RAD51D: variants seen among roughly 807,000 people sequenced by gnomAD.
RAD51D encodes the protein DNA repair protein RAD51 homolog 4.
A neutral mutation model predicts 44.1 loss-of-function variants in RAD51D; 38 were observed. The ratio of observed to expected loss-of-function variants is 0.86; its 90% confidence interval spans 0.67 to 1.13. RAD51D has a LOEUF of 1.13. RAD51D is among the 50% of genes most tolerant of loss of function. The pLI is 0.00. For synonymous variants in RAD51D, 141 were observed against 166.6 expected (o/e 0.85, Z 1.18); for missense variants, 390 against 414.0 (o/e 0.94, Z 0.50).
intron 3 of RAD51D, among the ~76,000 whole-genome samples, chr17:35,109,065 C>T (rs569701751): frequency 2.0e-5 from 3 of 152,086 alleles, no homozygotes; most frequent in Admixed American, 2.0e-4. Flanking sequence ...CGGGGTTTTG[C>T]CATTTTGGGC....
intron 4 of RAD51D, 58 bp from the exon 5 acceptor site, chr17:35,107,180 C>T (rs2142434777): frequency 6.3e-7 from 1 of 1,599,500 alleles, no homozygotes. Context: ...GATGGGAGCT[C>T]CCCACCAAAC....
At chr17:35,116,077 AAAAG>A (rs1008724771) in intron 3 of RAD51D, among the ~76,000 whole-genome samples, 14 of 150,884 alleles carry the variant, frequency 9.3e-5, no homozygotes, top group African/African-American at 2.7e-4. Context: ...ACAAAAAAAA[AAAAG>A]AAAGAAAGAA....
At chr17:35,118,884 A>G (rs750323237) in intron 2 of RAD51D, among the ~76,000 whole-genome samples, 30 of 152,174 alleles carry the variant, frequency 2.0e-4, no homozygotes, top group Non-Finnish European at 4.3e-4. Context: ...CTGGGATTGT[A>G]GGCGTGGGCC....
At chr17:35,108,713 T>C (rs1247814735) in intron 3 of RAD51D, among the ~76,000 whole-genome samples, 1 of 152,024 alleles carries the variant, frequency 6.6e-6, no homozygotes, top group Non-Finnish European at 1.5e-5. Flanking sequence ...ACTATAAGTC[T>C]TCCTCCTGCT....
intron 6 of RAD51D, among the ~76,000 whole-genome samples, chr17:35,105,692 A>G (rs1164733677): frequency 6.6e-6 from 1 of 152,184 alleles, no homozygotes; most frequent in Non-Finnish European, 1.5e-5. Flanking sequence ...AATCCTTCCC[A>G]TTAACATGAC....
rs2091797688 is a variant in RAD51D, at chr17:35,119,550, T to C, written c.64A>G (p.Ser22Gly). The C allele has an allele frequency of 1.9e-6, 3 of 1,612,468 alleles. No homozygotes were observed. The highest frequency in any genetic ancestry group is 2.2e-5 in the South Asian group (2 of 91,088). ...CGGTCACCTGTCTTGATCCTGTGGC[T>C]CCTGAGAAGCTGGATCATCTCCTCG... is the stretch of plus-strand genomic sequence containing the variant. ...LTEEMIQLLR[S>G]HRIKTVVDLV... The change falls in exon 1 of 10, where the codon AGC becomes GGC. Residue 22 changes from serine (S) to glycine (G), a missense_variant. Transcript: ENST00000345365.
In RAD51D at chr17:35,107,006, G is replaced by GAA. The variant is rs1555568296; in HGVS notation, c.461_462insTT (p.Gln155SerfsTer40). On this transcript the variant is annotated frameshift_variant, in exon 5 of 10. Coordinates refer to ENST00000345365, the MANE Select transcript of RAD51D (RefSeq NM_002878.4). LOFTEE classifies it high-confidence loss of function. ...CCCTTACCTGTTCCTCCTCATCCTG[G>GAA]GTTTTAGCCTGAAGCAGCTGGAGGA... The GAA allele has an allele frequency of 6.2e-7, 1 of 1,614,046 alleles. No individual in the cohort carries two copies. The highest frequency in any genetic ancestry group is 1.3e-5 in the African/African-American group (1 of 74,914).
In RAD51D at chr17:35,103,373, T is replaced by G. The variant is rs959877657; in HGVS notation, c.668-49A>C. 8 of 1,610,732 alleles carry G rather than the reference T, an allele frequency of 5.0e-6. No individual in the cohort carries two copies. In the Admixed American group the frequency reaches 1.3e-4, roughly 27 times the overall value. ...AGGGAGGGCAGTGGGGAACCAGGGATGGGGCTGGCCAGAGACCAGACTCCA... is the reference window on the plus strand; with the variant it reads ...AGGGAGGGCAGTGGGGAACCAGGGAGGGGGCTGGCCAGAGACCAGACTCCA... On this transcript the variant is annotated intron_variant, in intron 7 of 9. Coordinates refer to ENST00000345365, the MANE Select transcript of RAD51D (RefSeq NM_002878.4). The surrounding 1 kb of genome is among the most constrained non-coding windows in gnomAD (Gnocchi z 4.1).
chr17:35,112,062 G>A (rs990939147), intron 3 of RAD51D, among the ~76,000 whole-genome samples: 1 of 152,154 alleles, frequency 6.6e-6, no homozygotes, highest in African/African-American at 2.4e-5. Context: ...ATGGCATTGT[G>A]TTTTTGTTTG....
intron 1 of RAD51D, 171 bp from the exon 2 acceptor site, chr17:35,119,343 A>G: frequency 1.1e-6 from 1 of 888,302 alleles, no homozygotes; most frequent in Non-Finnish European, 1.8e-6. Context: ...TGCACACAGT[A>G]GGAATCTCTA....
Position 35,103,307 on chromosome 17 carries a change from G to GCAT in RAD51D, c.682_684dup (p.Met228dup). 6.2e-7 allele frequency: 1 copy of GCAT among 1,612,118 alleles called. No homozygotes were observed. The highest frequency in any genetic ancestry group is 8.5e-7 in the Non-Finnish European group (1 of 1,179,222). On this transcript the variant is annotated inframe_insertion, in exon 8 of 10. Coordinates refer to ENST00000345365, the MANE Select transcript of RAD51D (RefSeq NM_002878.4). This position sits in a 1 kb window ranked among gnomAD's most constrained non-coding sequence, Gnocchi z 4.1. ...AGGGTCTTCAGCTCTCGGGCCAGCT[G>GCAT]CATCATCAAGGCCAAGCCTGCAGGA... is the stretch of plus-strand genomic sequence containing the variant.
intron 6 of RAD51D, among the ~76,000 whole-genome samples, chr17:35,105,530 A>C (rs1229021588): frequency 6.6e-6 from 1 of 152,226 alleles, no homozygotes; most frequent in African/African-American, 2.4e-5. Context: ...GCCCGTGTGA[A>C]CACGTCATGC....
intron 5 of RAD51D, 52 bp from the exon 6 acceptor site, chr17:35,106,533 G>T (rs777456286): frequency 7.1e-7 from 1 of 1,403,100 alleles, no homozygotes; most frequent in South Asian, 1.2e-5. Flanking sequence ...GGAGTAGGGG[G>T]GTCAAGGTAA....
chr17:35,107,952 G>T (rs1346974353), intron 3 of RAD51D, among the ~76,000 whole-genome samples: 1 of 151,436 alleles, frequency 6.6e-6, no homozygotes, highest in Non-Finnish European at 1.5e-5. Flanking sequence ...GTTTCACCAT[G>T]TTGGCCAGCC....
intron 3 of RAD51D, 58 bp downstream of exon 3, chr17:35,118,443 C>T: frequency 7.0e-7 from 1 of 1,427,968 alleles, no homozygotes; most frequent in Non-Finnish European, 9.9e-7. Flanking sequence ...AAAAGCAGAG[C>T]TGAGAGGAGG....
intron 3 of RAD51D, among the ~76,000 whole-genome samples, chr17:35,107,739 T>TG (rs1416681078): frequency 6.8e-5 from 8 of 117,156 alleles, no homozygotes; most frequent in Non-Finnish European, 1.3e-4. Context: ...TGGGTTTCCT[T>TG]TTTTTTTTTT....
chr17:35,101,135 A>G, intron 9 of RAD51D, 66 bp downstream of exon 9: 1 of 1,611,798 alleles, frequency 6.2e-7, no homozygotes. Flanking sequence ...TCTCGAAGAC[A>G]TCTGTGGGTA....
rs748697766 is a variant in RAD51D, at chr17:35,103,557, G to T, written c.577-13C>A. 1.1e-5 allele frequency: 17 copies of T among 1,606,804 alleles called. No homozygotes were observed. The highest frequency in any genetic ancestry group is 1.4e-5 in the Non-Finnish European group (17 of 1,173,456). On this transcript the variant is annotated splice_polypyrimidine_tract_variant and intron_variant, in intron 6 of 9. Transcript: ENST00000345365. The surrounding 1 kb of genome is among the most constrained non-coding windows in gnomAD (Gnocchi z 4.1). ...AAGAACCAGTCACCTGAAGGAATGT[G>T]GGGGAAGCACTCATGAACCTGTCAG...
chr17:35,113,777 T>G (rs1425174388), intron 3 of RAD51D, among the ~76,000 whole-genome samples: 1 of 152,164 alleles, frequency 6.6e-6, no homozygotes, highest in Non-Finnish European at 1.5e-5. Flanking sequence ...CCAGACCAGG[T>G]GCATCAGCAA....
Sources: allele counts gnomAD v4.1 joint callset (sites outside exome capture counted in the v4.1 genomes callset), GRCh38; gene constraint gnomAD v4.1.1; non-coding constraint Gnocchi (gnomAD v3.1); transcripts MANE v1.5; gene names NCBI Gene and HGNC (gene_info 2026-07-23, HGNC 2026-07-21).